PTPRN2: variants seen among roughly 807,000 people sequenced by gnomAD.
PTPRN2 encodes the protein receptor-type tyrosine-protein phosphatase N2.
Under a neutral mutation model 118.8 loss-of-function variants are expected in PTPRN2, and 74 were observed. The observed-to-expected ratio is 0.62, with a 90% CI of 0.52 to 0.76. The LOEUF is 0.76. Ranked by LOEUF, PTPRN2 falls within the 30% of genes least tolerant of loss-of-function variation. The pLI is 0.00. For missense variants in PTPRN2, 1,481 were observed against 1,394.4 expected (o/e 1.06, Z -0.99); for synonymous variants, 641 against 608.0 (o/e 1.05, Z -0.80).
intron 10 of PTPRN2, among the ~76,000 whole-genome samples, chr7:158,107,798 C>T (rs528026474): frequency 6.6e-5 from 10 of 152,146 alleles, no homozygotes; most frequent in Middle Eastern, 3.2e-3. Context: ...CCCACAGCAG[C>T]CCATGAACAT....
rs368745492 is a variant in PTPRN2 at position 158,138,523 on chromosome 7, C to T, written c.911-8G>A. 6 of 1,607,688 alleles carry T rather than the reference C, an allele frequency of 3.7e-6. No individual in the cohort carries two copies. The highest frequency in any genetic ancestry group is 5.1e-6 in the Non-Finnish European group (6 of 1,178,394). On this transcript the variant is annotated splice_polypyrimidine_tract_variant and splice_region_variant and intron_variant, in intron 6 of 22. Coordinates refer to ENST00000389418, the MANE Select transcript of PTPRN2 (RefSeq NM_002847.5). ...GGGTATGAATCCGTGCTCCTAGGGG[C>T]ACACACACAAACACAAGGACGTTGT... is the stretch of plus-strand genomic sequence containing the variant.
chr7:158,079,601 G>C (rs144148387), intron 11 of PTPRN2, among the ~76,000 whole-genome samples: 5 of 152,332 alleles, frequency 3.3e-5, no homozygotes, highest in African/African-American at 1.2e-4. Context: ...CCCAGTACTG[G>C]AGAAACTGCC....
intron 12 of PTPRN2, among the ~76,000 whole-genome samples, chr7:157,687,243 TAAAAG>T (rs1411037645): frequency 6.6e-6 from 1 of 152,106 alleles, no homozygotes; most frequent in Non-Finnish European, 1.5e-5. Context: ...GTGGTAAGCT[TAAAAG>T]AAAAGAAAAA....
rs150690892 is a variant in PTPRN2, at chr7:157,930,051, G to A, written c.1724-31314C>T. ...CGCAGACTGTAATAATCATGCCATCGTGCACACTGTTTTTCGGAGCCTGTT... is the reference window on the plus strand; with the variant it reads ...CGCAGACTGTAATAATCATGCCATCATGCACACTGTTTTTCGGAGCCTGTT... On this transcript the variant is annotated intron_variant, in intron 11 of 22. Transcript: ENST00000389418. 4.9e-3 allele frequency among the ~76,000 whole-genome samples: 745 copies of A among 152,292 alleles called. 5 individuals are homozygous for A. Among genetic ancestry groups the A allele is most frequent in the African/African-American group, 0.017 (705 of 41,562 alleles).
intron 12 of PTPRN2, among the ~76,000 whole-genome samples, chr7:157,829,180 G>A (rs879264834): frequency 1.1e-4 from 17 of 152,370 alleles, no homozygotes; most frequent in Admixed American, 7.8e-4. Context: ...CCCTAGAAAT[G>A]TATTTTGAAG....
At position 158,092,427 on chromosome 7, in the gene PTPRN2, T is replaced by C. The variant is rs141397336; in HGVS notation, c.1644-11050A>G. 5.2e-3 allele frequency among the ~76,000 whole-genome samples: 787 copies of C among 151,630 alleles called. 4 individuals are homozygous for C. The highest frequency in any genetic ancestry group is 0.018 in the African/African-American group (754 of 41,260). On this transcript the variant is annotated intron_variant, in intron 10 of 22. Coordinates refer to ENST00000389418, the MANE Select transcript of PTPRN2 (RefSeq NM_002847.5). ...ATGGGTGGATGGCTGGCTGGATGGA[T>C]GGGGAGGTAGACGGATGGATGGATG...
intron 2 of PTPRN2, among the ~76,000 whole-genome samples, chr7:158,440,512 G>A (rs560229272): frequency 6.6e-6 from 1 of 151,776 alleles, no homozygotes; most frequent in South Asian, 2.1e-4. Flanking sequence ...TGGTAATAGG[G>A]GTGATAGTGG....
chr7:158,230,882 T>C (rs924420257), intron 3 of PTPRN2, among the ~76,000 whole-genome samples: 17 of 152,168 alleles, frequency 1.1e-4, no homozygotes, highest in Admixed American at 6.5e-5. Context: ...ATAGAATGGC[T>C]GTATGGATAA....
At chr7:157,888,981 C>A (rs1796643184) in intron 12 of PTPRN2, among the ~76,000 whole-genome samples, 3 of 152,200 alleles carry the variant, frequency 2.0e-5, no homozygotes, top group African/African-American at 7.2e-5. Flanking sequence ...GAAAACCTCA[C>A]TGGGTAAGGG....
chr7:158,554,468 A>G (rs1826850702), intron 1 of PTPRN2, among the ~76,000 whole-genome samples: 1 of 152,082 alleles, frequency 6.6e-6, no homozygotes, highest in Non-Finnish European at 1.5e-5. Context: ...TCTATCTGCC[A>G]TCTATCATCT....
At chr7:157,949,894 G>GT (rs1800703713) in intron 11 of PTPRN2, among the ~76,000 whole-genome samples, 1 of 152,112 alleles carries the variant, frequency 6.6e-6, no homozygotes. Context: ...GGCTCCTCAG[G>GT]GTCTCCTCAA....
intron 2 of PTPRN2, among the ~76,000 whole-genome samples, chr7:158,362,887 G>A (rs58365756): frequency 0.04 from 6,027 of 152,226 alleles, 400 homozygotes; most frequent in African/African-American, 0.14. Flanking sequence ...CTCAGTCACC[G>A]TCCCTCTGGG....
rs117321937 is a variant in PTPRN2, at chr7:157,921,160, G to A, written c.1724-22423C>T. 0.011 allele frequency among the ~76,000 whole-genome samples: 1,729 copies of A among 152,242 alleles called. 145 individuals are homozygous for A. The East Asian group carries it at 0.23, about 21-fold the overall frequency. On this transcript the variant is annotated intron_variant, in intron 11 of 22. Transcript: ENST00000389418. The stretch of plus-strand genomic sequence containing the variant: ...ATTCAGGGCTAAAACGGAATGAGCC[G>A]TCAAACCATGACACAGGGCTTGCAG...
chr7:158,281,775 T>C (rs1489132890), intron 3 of PTPRN2, among the ~76,000 whole-genome samples: 1 of 152,228 alleles, frequency 6.6e-6, no homozygotes, highest in Non-Finnish European at 1.5e-5. Flanking sequence ...TCCATGCTCC[T>C]AGAAAGGAAG....
chr7:158,228,679 C>T (rs1454703826), intron 3 of PTPRN2, among the ~76,000 whole-genome samples: 1 of 152,062 alleles, frequency 6.6e-6, no homozygotes, highest in African/African-American at 2.4e-5. Context: ...CATCAGACCA[C>T]CATGTCTGCA....
chr7:158,131,371 GAC>G (rs961501112), intron 9 of PTPRN2, among the ~76,000 whole-genome samples: 10 of 81,806 alleles, frequency 1.2e-4, no homozygotes, highest in African/African-American at 3.1e-4. Flanking sequence ...ACATCTACCC[GAC>G]ACACACACTC....
At position 157,615,794 on chromosome 7, in the gene PTPRN2, C is replaced by T; in HGVS notation, c.2344+5568G>A. 2.7e-6 allele frequency: 1 copy of T among 365,736 alleles called. No homozygotes were observed. Among genetic ancestry groups the T allele is most frequent in the Non-Finnish European group, 5.5e-6 (1 of 183,096 alleles). 22.7% of individuals were successfully genotyped at this position (365,736 alleles called of 1,614,324 possible). ...GGAGATGAACACAAGGCTCGATTCT[C>T]CTGTTAAACTTGACTGTCACCAACG... On this transcript the variant is annotated intron_variant, in intron 15 of 22. Transcript: ENST00000389418. The surrounding 1 kb of genome is among the most constrained non-coding windows in gnomAD (Gnocchi z 4.3).
At chr7:158,064,445 C>G (rs1810604966) in intron 11 of PTPRN2, among the ~76,000 whole-genome samples, 1 of 152,160 alleles carries the variant, frequency 6.6e-6, no homozygotes, top group South Asian at 2.1e-4. Context: ...ACTGGGGTCA[C>G]AGCCATGGGG....
intron 12 of PTPRN2, among the ~76,000 whole-genome samples, chr7:157,849,576 A>G (rs1262008884): frequency 6.6e-6 from 1 of 152,222 alleles, no homozygotes; most frequent in Non-Finnish European, 1.5e-5. Flanking sequence ...GCTGCATATA[A>G]CAGAAAACTT....
Sources: gnomAD v4.1 joint callset for allele counts (sites outside exome capture counted in the v4.1 genomes callset) on GRCh38, gnomAD v4.1.1 for gene constraint, Gnocchi (gnomAD v3.1) non-coding constraint, MANE v1.5 for transcripts, NCBI Gene and HGNC (gene_info 2026-07-23, HGNC 2026-07-21) for gene names.